The following CDH23 variants were observed in gnomAD, a reference collection of about 807,000 sequenced individuals.
CDH23 encodes cadherin-23.
In CDH23, 189 loss-of-function variants were observed where a neutral mutation model predicts 317.1. That is an observed-to-expected ratio of 0.60 (90% CI 0.53 to 0.67). The LOEUF (loss-of-function observed/expected upper bound fraction) is 0.67, where lower values mean the gene tolerates loss of function less well. Ranked by LOEUF, CDH23 falls within the 30% of genes least tolerant of loss-of-function variation. The pLI is 0.00. For missense variants in CDH23, 4,401 were observed against 4,592.4 expected, an observed-to-expected ratio of 0.96 and a Z score of 1.20; for synonymous variants, 1,839 against 1,876.8, an observed-to-expected ratio of 0.98 and a Z score of 0.52.
chr10:71,433,442 T>C (rs1442593983), intron 1 of CDH23, among the ~76,000 whole-genome samples: 35 of 152,194 alleles, frequency 2.3e-4, no homozygotes, highest in Non-Finnish European at 1.5e-5. Context: ...GGACTGATTC[T>C]CTGTCCAGTT....
chr10:71,689,076 G>C (rs1312442), intron 19 of CDH23, among the ~76,000 whole-genome samples: 1 of 138,228 alleles, frequency 7.2e-6, no homozygotes, highest in African/African-American at 2.7e-5. Context: ...GGGTGGTGGA[G>C]CCAGGGGTGG....
rs1322059640 is a variant in CDH23 at position 71,784,377 on chromosome 10, C to T, written c.5459C>T (p.Thr1820Ile). ...GAGACCATCGCCTTCTACAACCTGA[C>T]CATCTGTGCCCGTGACCGGGGGATG... Reference protein sequence around the residue: ...DRETIAFYNLTICARDRGMPP... With the variant: ...DRETIAFYNLIICARDRGMPP... Residue 1820 changes from threonine (T) to isoleucine (I), a missense_variant, in exon 42 of 70, where the codon ACC (threonine) becomes ATC (isoleucine). Thr to Ile is a moderately conservative substitution (Grantham distance 89). Around this residue, in one of 3 missense-constraint regions of CDH23, gnomAD observed 3,068 missense variants for 3,203.3 expected, o/e 0.96. Coordinates refer to ENST00000224721, the MANE Select transcript of CDH23 (RefSeq NM_022124.6). 1 of 1,613,926 alleles carries T rather than the reference C, an allele frequency of 6.2e-7. No individual in the cohort carries two copies. Among genetic ancestry groups the T allele is most frequent in the Admixed American group, 1.7e-5 (1 of 60,020 alleles).
In CDH23 at chr10:71,645,826, C is replaced by A. The variant is rs534810179; in HGVS notation, c.1141-5C>A. Reference sequence around the variant, plus strand: ...TGACTGGCTTCTTCTGCACTCTTGACCCAGGGCCTGAACAGCATGTTTGAG... The same window carrying A: ...TGACTGGCTTCTTCTGCACTCTTGAACCAGGGCCTGAACAGCATGTTTGAG... On this transcript the variant is annotated splice_region_variant and splice_polypyrimidine_tract_variant and intron_variant, in intron 12 of 69. Transcript: ENST00000224721. 6.2e-7 allele frequency: 1 copy of A among 1,607,992 alleles called. No homozygotes were observed. The highest frequency in any genetic ancestry group is 1.3e-5 in the African/African-American group (1 of 74,934).
intron 18 of CDH23, 36 bp from the exon 19 acceptor site, chr10:71,687,611 C>T (rs2132694583): frequency 6.2e-7 from 1 of 1,606,288 alleles, no homozygotes; most frequent in Non-Finnish European, 8.5e-7. Context: ...ACCTGCCTCC[C>T]TGCAGCCTCC....
rs143274439 is a variant in CDH23, at chr10:71,710,207, C to T, written c.3220+996C>T. 4.9e-3 allele frequency among the ~76,000 whole-genome samples: 748 copies of T among 152,292 alleles called. 1 individual carries two copies. Among genetic ancestry groups the T allele is most frequent in the Middle Eastern group, 0.014 (4 of 294 alleles). ...GGTCGTTGCCCCAGCCTCACCTGTA[C>T]ACATTCTCAGGTTCAAGTGCAGCGG... is the stretch of plus-strand genomic sequence containing the variant. On this transcript the variant is annotated intron_variant, in intron 27 of 69. Transcript: ENST00000224721.
intron 3 of CDH23, among the ~76,000 whole-genome samples, chr10:71,484,992 G>A (rs1852265633): frequency 6.6e-6 from 1 of 150,482 alleles, no homozygotes; most frequent in South Asian, 2.1e-4. Context: ...AAATAGGGGT[G>A]TGTGTTTTTC....
chr10:71,683,205 C>T (rs753066866), intron 18 of CDH23, among the ~76,000 whole-genome samples: 21 of 152,240 alleles, frequency 1.4e-4, no homozygotes, highest in Non-Finnish European at 2.9e-4. Flanking sequence ...TGGGCCCCTC[C>T]GCATGGAGAC....
At chr10:71,671,307 T>A (rs1302149452) in intron 14 of CDH23, among the ~76,000 whole-genome samples, 1 of 152,110 alleles carries the variant, frequency 6.6e-6, no homozygotes, top group Admixed American at 6.6e-5. Flanking sequence ...AATGGCCAGC[T>A]GGGCCATCCC....
chr10:71,569,017 A>G (rs1448130543), intron 7 of CDH23, among the ~76,000 whole-genome samples: 1 of 152,226 alleles, frequency 6.6e-6, no homozygotes, highest in African/African-American at 2.4e-5. Flanking sequence ...CCCCTGTCCA[A>G]GAGGTCAGGG....
At chr10:71,625,333 C>T (rs778467091) in intron 11 of CDH23, among the ~76,000 whole-genome samples, 1 of 112,090 alleles carries the variant, frequency 8.9e-6, no homozygotes, top group African/African-American at 3.4e-5. Context: ...ATTTGAGGGG[C>T]ATAGAAAAAA....
chr10:71,540,723 C>A (rs1245619688), intron 6 of CDH23, among the ~76,000 whole-genome samples: 1 of 152,140 alleles, frequency 6.6e-6, no homozygotes, highest in Non-Finnish European at 1.5e-5. Flanking sequence ...AGCAGCCCAG[C>A]TCTGTGCAAA....
chr10:71,600,598 C>T (rs1469309837), intron 9 of CDH23, among the ~76,000 whole-genome samples: 1 of 150,018 alleles, frequency 6.7e-6, no homozygotes, highest in Non-Finnish European at 1.5e-5. Context: ...CTCACTGCAA[C>T]CTCTGCCTCC....
chr10:71,433,334 T>A (rs1220639852), intron 1 of CDH23, among the ~76,000 whole-genome samples: 1 of 152,190 alleles, frequency 6.6e-6, no homozygotes, highest in Non-Finnish European at 1.5e-5. Flanking sequence ...GGTGTCCACG[T>A]ACAGCTATGG....
chr10:71,687,727 C>G lies in CDH23; in HGVS notation c.2059+8C>G, dbSNP rs781345013. ...TGGAGAACATCATGGCAGGTACAGG[C>G]TCAGGTCGGGGGGTGGGGGGCACAT... On this transcript the variant is annotated splice_region_variant and intron_variant, in intron 19 of 69. Coordinates refer to ENST00000224721, the MANE Select transcript of CDH23 (RefSeq NM_022124.6). 1.2e-6 allele frequency: 2 copies of G among 1,613,124 alleles called. No individual in the cohort carries two copies. Among genetic ancestry groups the G allele is most frequent in the Non-Finnish European group, 1.7e-6 (2 of 1,179,624 alleles).
chr10:71,687,066 G>A (rs1379290553), intron 18 of CDH23, among the ~76,000 whole-genome samples: 1 of 152,200 alleles, frequency 6.6e-6, no homozygotes, highest in Non-Finnish European at 1.5e-5. Context: ...TCTAGGCCAG[G>A]GGTGGCCCAG....
At chr10:71,721,134 C>A (rs1387172231) in intron 28 of CDH23, among the ~76,000 whole-genome samples, 1 of 152,192 alleles carries the variant, frequency 6.6e-6, no homozygotes, top group Non-Finnish European at 1.5e-5. Context: ...AGCAGGGAGG[C>A]ATCAAGGAAA....
At chr10:71,444,247 G>A (rs1450462969) in intron 2 of CDH23, among the ~76,000 whole-genome samples, 2 of 152,280 alleles carry the variant, frequency 1.3e-5, no homozygotes, top group African/African-American at 4.8e-5. Flanking sequence ...AGCGCTAAGC[G>A]CTTTATGTAT....
intron 6 of CDH23, among the ~76,000 whole-genome samples, chr10:71,554,945 G>C (rs1366632579): frequency 1.3e-5 from 2 of 152,178 alleles, no homozygotes; most frequent in African/African-American, 4.8e-5. Flanking sequence ...CCCAGAGTCT[G>C]GGACAGTTGT....
At chr10:71,665,229 A>G (rs186670125) in intron 14 of CDH23, among the ~76,000 whole-genome samples, 89 of 152,210 alleles carry the variant, frequency 5.8e-4, no homozygotes, top group African/African-American at 2.1e-3. Flanking sequence ...CTCCCACCAC[A>G]CCTATCCGCT....
Sources: allele counts gnomAD v4.1 joint callset (sites outside exome capture counted in the v4.1 genomes callset), GRCh38; gene constraint gnomAD v4.1.1; regional missense constraint gnomAD v4.1.1; transcripts MANE v1.5; gene names NCBI Gene and HGNC (gene_info 2026-07-23, HGNC 2026-07-21).